Variants in IRX3 observed in about 807,000 individuals in gnomAD.
IRX3 encodes the protein iroquois homeobox 3.
Under a neutral mutation model 36.4 loss-of-function variants are expected in IRX3, and 20 were observed. The observed-to-expected ratio is 0.55, with a 90% CI of 0.39 to 0.80. The LOEUF is 0.80. Among genes scored for constraint, IRX3 ranks in the 30% least tolerant of loss-of-function variants. The probability of loss-of-function intolerance (pLI) is 0.00; values close to 1 mark genes in which losing one functional copy is unlikely to be tolerated. For synonymous variants in IRX3, 404 were observed against 351.6 expected, an observed-to-expected ratio of 1.15 and a Z score of -1.67; for missense variants, 718 against 733.2, an observed-to-expected ratio of 0.98 and a Z score of 0.24.
rs550874514 is a variant in IRX3, at chr16:54,284,768, C to A, written c.1113G>T (p.Gly371=). The A allele has an allele frequency of 3.2e-4, 467 of 1,457,240 alleles. No homozygotes were observed. The highest frequency in any genetic ancestry group is 3.9e-4 in the Non-Finnish European group (441 of 1,117,284). 90.3% of individuals were successfully genotyped at this position (1,457,240 alleles called of 1,614,324 possible). The change falls in exon 2 of 4, where the codon GGG becomes GGT. Residue 371 remains glycine, a synonymous_variant. Coordinates refer to ENST00000329734, the MANE Select transcript of IRX3 (RefSeq NM_024336.3). The surrounding 1 kb of genome is among the most constrained non-coding windows in gnomAD (Gnocchi z 4.0). ...NPRRSPPGAG[G]SPPGAAVAPS... ...GCGCGACCGCTGCCCCCGGTGGAGA[C>A]CCCCCCGCGCCGGGAGGCGAGCGGC...
chr16:54,284,649 C>T lies in IRX3; in HGVS notation c.1232G>A (p.Arg411Gln). The T allele has an allele frequency of 7.2e-7, 1 of 1,380,098 alleles. No homozygotes were observed. The highest frequency in any genetic ancestry group is 9.3e-7 in the Non-Finnish European group (1 of 1,078,690). The allele number at this position is 1,380,098 out of a possible 1,614,324, so 85.5% of individuals were successfully genotyped here. ...PLGKFPAWTN[R>Q]PFPGPPPGPR... ...GCCGGGCGGTGGGCCTGGAAACGGC[C>T]GGTTGGTCCAAGCCGGGAACTTGCC... Residue 411 changes from arginine to glutamine, a missense_variant, in exon 2 of 4, where the codon CGG becomes CAG. By Grantham distance (43) the Arg-to-Gln change is conservative (BLOSUM62 1). Around this residue, in one of 3 missense-constraint regions of IRX3, gnomAD observed 468 missense variants for 462.1 expected, o/e 1.01. Transcript: ENST00000329734. This position sits in a 1 kb window ranked among gnomAD's most constrained non-coding sequence, Gnocchi z 4.0.
Position 54,284,482 on chromosome 16 carries a change from G to C in IRX3, c.1384+15C>G. On this transcript the variant is annotated intron_variant, in intron 2 of 3. Transcript: ENST00000329734. This position sits in a 1 kb window ranked among gnomAD's most constrained non-coding sequence, Gnocchi z 4.0. The stretch of plus-strand genomic sequence containing the variant: ...AGAGCCCGCCCCCGCTCCGCGCCCA[G>C]CGCTCAGCAGTCACCTGTTCCGCCT... 1 of 1,394,212 alleles carries C rather than the reference G, an allele frequency of 7.2e-7. No individual in the cohort carries two copies. The highest frequency in any genetic ancestry group is 9.2e-7 in the Non-Finnish European group (1 of 1,086,288). 86.4% of individuals were successfully genotyped at this position (1,394,212 alleles called of 1,614,324 possible).
In IRX3 at chr16:54,284,588, G is replaced by A. The variant is rs1901265405; in HGVS notation, c.1293C>T (p.Ala431=). Residue 431 remains alanine, a synonymous_variant, in exon 2 of 4, where the codon GCC becomes GCT. Coordinates refer to ENST00000329734, the MANE Select transcript of IRX3 (RefSeq NM_024336.3). This position sits in a 1 kb window ranked among gnomAD's most constrained non-coding sequence, Gnocchi z 4.0. ...RLHPLSLLGS[A]PPHLLGLPGA... The stretch of plus-strand genomic sequence containing the variant: ...CGGGAAGTCCCAGCAGGTGCGGAGG[G>A]GCAGAGCCCAGCAGGGAGAGCGGGT... The A allele has an allele frequency of 2.9e-6, 4 of 1,396,620 alleles. No homozygotes were observed. Among genetic ancestry groups the A allele is most frequent in the Non-Finnish European group, 3.7e-6 (4 of 1,088,328 alleles). The allele number at this position is 1,396,620 out of a possible 1,614,324, so 86.5% of individuals were successfully genotyped here.
rs766835088 is a variant in IRX3 at position 54,284,234 on chromosome 16, G to A, written c.1451+12C>T. On this transcript the variant is annotated intron_variant, in intron 3 of 3. Coordinates refer to ENST00000329734, the MANE Select transcript of IRX3 (RefSeq NM_024336.3). This position sits in a 1 kb window ranked among gnomAD's most constrained non-coding sequence, Gnocchi z 4.0. ...CCAGTCCCCCTGGCCCCTCAACCTC[G>A]GGGTTTCTTACCGCCTGGGCACGGG... 20 of 1,609,552 alleles carry A rather than the reference G, an allele frequency of 1.2e-5. No homozygotes were observed. Among genetic ancestry groups the A allele is most frequent in the Non-Finnish European group, 1.6e-5 (19 of 1,177,372 alleles).
At position 54,285,953 on chromosome 16, in the gene IRX3, C is replaced by G. The variant is rs1462434717; in HGVS notation, c.98G>C (p.Arg33Pro). ...CGAGGCTCCGGCACCCAGGCCGCCC[C>G]GGGCCCCCGCGCTGCCGCCGCTGCC... ...AGGSGGSAGA[R>P]GGLGAGASEL... The change falls in exon 1 of 4, where the codon CGG becomes CCG. Residue 33 changes from arginine (R) to proline (P), a missense_variant. Around this residue, in one of 3 missense-constraint regions of IRX3, gnomAD observed 204 missense variants for 181.4 expected, o/e 1.12. Transcript: ENST00000329734. The surrounding 1 kb of genome is among the most constrained non-coding windows in gnomAD (Gnocchi z 5.7). 4.2e-6 allele frequency: 6 copies of G among 1,424,120 alleles called. No individual in the cohort carries two copies. Among genetic ancestry groups the G allele is most frequent in the South Asian group, 1.5e-5 (1 of 65,562 alleles). 88.2% of individuals were successfully genotyped at this position (1,424,120 alleles called of 1,614,324 possible). A position where few individuals can be genotyped will look rare whatever the true frequency, so the allele number is the denominator to read the frequency against.
chr16:54,284,341 G>T lies in IRX3; in HGVS notation c.1385-29C>A. On this transcript the variant is annotated intron_variant, in intron 2 of 3. Transcript: ENST00000329734. The surrounding 1 kb of genome is among the most constrained non-coding windows in gnomAD (Gnocchi z 4.0). ...AGGGAAGCGGGGGAAGAAAAAGGAGGGCCTTTAGAGCGCTCGGTGCCGGCG... is the reference window on the plus strand; with the variant it reads ...AGGGAAGCGGGGGAAGAAAAAGGAGTGCCTTTAGAGCGCTCGGTGCCGGCG... 6.3e-7 allele frequency: 1 copy of T among 1,588,808 alleles called. No individual in the cohort carries two copies. The highest frequency in any genetic ancestry group is 8.5e-7 in the Non-Finnish European group (1 of 1,170,098).
At position 54,284,732 on chromosome 16, in the gene IRX3, C is replaced by T. The variant is rs1326396298; in HGVS notation, c.1149G>A (p.Leu383=). 4.5e-5 allele frequency: 65 copies of T among 1,453,064 alleles called. No homozygotes were observed. The highest frequency in any genetic ancestry group is 5.6e-5 in the Non-Finnish European group (63 of 1,115,822). 90.0% of individuals were successfully genotyped at this position (1,453,064 alleles called of 1,614,324 possible). ...PPGAAVAPSA[L]QLSPAAAAAA... ...CGGCGGCGGCGGCCGGAGAGAGCTG[C>T]AGGGCGGAAGGCGCGACCGCTGCCC... Residue 383 remains leucine, a synonymous_variant, in exon 2 of 4, where the codon CTG becomes CTA. Transcript: ENST00000329734. This position sits in a 1 kb window ranked among gnomAD's most constrained non-coding sequence, Gnocchi z 4.0.
In IRX3 at chr16:54,286,021, G is replaced by A. The variant is rs1901329989; in HGVS notation, c.30C>T (p.Tyr10=). Residue 10 remains tyrosine (Y), a synonymous_variant, in exon 1 of 4, where the codon TAC becomes TAT. Coordinates refer to ENST00000329734, the MANE Select transcript of IRX3 (RefSeq NM_024336.3). The stretch of plus-strand genomic sequence containing the variant: ...GCTCGGACGGGTAAAGCGGGCGGAT[G>A]TATTGGTATCCCAGCTGGGGGAAGG... MSFPQLGYQ[Y]IRPLYPSERP... The A allele has an allele frequency of 2.2e-6, 3 of 1,333,790 alleles. No homozygotes were observed. The highest frequency in any genetic ancestry group is 4.2e-5 in the Admixed American group (1 of 23,890). 82.6% of individuals were successfully genotyped at this position (1,333,790 alleles called of 1,614,324 possible).
In IRX3 at chr16:54,284,499, G is replaced by A. The variant is rs1361413348; in HGVS notation, c.1382C>T (p.Thr461Ile). The A allele has an allele frequency of 2.9e-6, 4 of 1,401,840 alleles. No individual in the cohort carries two copies. The highest frequency in any genetic ancestry group is 3.0e-5 in the African/African-American group (2 of 66,046). 86.8% of individuals were successfully genotyped at this position (1,401,840 alleles called of 1,614,324 possible). ...FARPAEPEGG[T>I]DRCSALEVEK... is the part of the protein sequence containing the mutation. ...CGCGCCCAGCGCTCAGCAGTCACCT[G>A]TTCCGCCTTCGGGCTCCGCTGGCCG... The change falls in exon 2 of 4, where the codon ACA becomes ATA. Residue 461 changes from threonine (T) to isoleucine (I), a missense_variant and splice_region_variant. By Grantham distance (89) the Thr-to-Ile change is moderately conservative. Transcript: ENST00000329734. This position sits in a 1 kb window ranked among gnomAD's most constrained non-coding sequence, Gnocchi z 4.0.
In IRX3 at chr16:54,283,692, TGAG is replaced by T; in HGVS notation, c.1497_1499del (p.Ser500del). On this transcript the variant is annotated inframe_deletion, in exon 4 of 4. Transcript: ENST00000329734. The surrounding 1 kb of genome is among the most constrained non-coding windows in gnomAD (Gnocchi z 4.4). Reference sequence around the variant, plus strand: ...TTTTGTTTTTTTTAAAGAACTAGGATGAGGAGAGAGCCGATAAGACCAGGGCGG... The same window carrying T: ...TTTTGTTTTTTTTAAAGAACTAGGATGAGAGAGCCGATAAGACCAGGGCGG... 7.7e-7 allele frequency: 1 copy of T among 1,296,398 alleles called. No individual in the cohort carries two copies. The highest frequency in any genetic ancestry group is 1.1e-6 in the Non-Finnish European group (1 of 890,478). 80.3% of individuals were successfully genotyped at this position (1,296,398 alleles called of 1,614,324 possible).
Position 54,286,355 on chromosome 16 carries a change from C to G in IRX3, c.-305G>C, listed in dbSNP as rs1045857196. On this transcript the variant is annotated 5_prime_UTR_variant, in exon 1 of 4. Coordinates refer to ENST00000329734, the MANE Select transcript of IRX3 (RefSeq NM_024336.3). ...CTCTCTGCGCCGCGCTCCCTCCTCT[C>G]GGCCGCCGGAGCTGCCTCTGCCCGC... is the stretch of plus-strand genomic sequence containing the variant. The G allele has an allele frequency of 2.0e-6, 2 of 988,030 alleles. No homozygotes were observed. Among genetic ancestry groups the G allele is most frequent in the African/African-American group, 1.7e-5 (1 of 57,290 alleles). The allele number at this position is 988,030 out of a possible 1,614,324, so 61.2% of individuals were successfully genotyped here. A position where few individuals can be genotyped will look rare whatever the true frequency, so the allele number is the denominator to read the frequency against.
chr16:54,285,080 C>T lies in IRX3; in HGVS notation c.801G>A (p.Glu267=), dbSNP rs762640142. Residue 267 remains glutamate, a synonymous_variant, in exon 2 of 4, where the codon GAG becomes GAA. Coordinates refer to ENST00000329734, the MANE Select transcript of IRX3 (RefSeq NM_024336.3). The surrounding 1 kb of genome is among the most constrained non-coding windows in gnomAD (Gnocchi z 5.7). ...ENLDGAATEP[E]LSLAGAARRD... ...TGCGCGCCGCCCCAGCCAGGGACAGCTCAGGCTCGGTGGCCGCGCCGTCTA... is the reference window on the plus strand; with the variant it reads ...TGCGCGCCGCCCCAGCCAGGGACAGTTCAGGCTCGGTGGCCGCGCCGTCTA... 58 of 1,613,808 alleles carry T rather than the reference C, an allele frequency of 3.6e-5. 1 individual carries two copies. The Admixed American group carries it at 9.5e-4, about 26-fold the overall frequency.
chr16:54,286,522 G>T lies in IRX3; in HGVS notation c.-472C>A. On this transcript the variant is annotated 5_prime_UTR_variant, in exon 1 of 4. Transcript: ENST00000329734. ...TCTTCCCCCCAGGATCGCTTCCGCT[G>T]CTTCGGGCTCCTGCACTGCCCTGGA... 1 of 376,096 alleles carries T rather than the reference G, an allele frequency of 2.7e-6. No individual in the cohort carries two copies. The highest frequency in any genetic ancestry group is 3.7e-6 in the Non-Finnish European group (1 of 273,546). The allele number at this position is 376,096 out of a possible 1,614,324, so 23.3% of individuals were successfully genotyped here.
In IRX3 at chr16:54,284,436, G is replaced by T; in HGVS notation, c.1384+61C>A. 1 of 1,407,026 alleles carries T rather than the reference G, an allele frequency of 7.1e-7. No individual in the cohort carries two copies. 87.2% of individuals were successfully genotyped at this position (1,407,026 alleles called of 1,614,324 possible). On this transcript the variant is annotated intron_variant, in intron 2 of 3. Transcript: ENST00000329734. The surrounding 1 kb of genome is among the most constrained non-coding windows in gnomAD (Gnocchi z 4.0). ...CGCCCCCCGGGCCCTGCCCCTCCCG[G>T]CCAGCTCCGGCACTACCCGCAGAGC... is the stretch of plus-strand genomic sequence containing the variant.
In IRX3 at chr16:54,284,363, G is replaced by T. The variant is rs778668814; in HGVS notation, c.1385-51C>A. ...GAGGGCCTTTAGAGCGCTCGGTGCC[G>T]GCGCCCAGGGCCGCAGAAAGCAGGA... On this transcript the variant is annotated intron_variant, in intron 2 of 3. Coordinates refer to ENST00000329734, the MANE Select transcript of IRX3 (RefSeq NM_024336.3). The surrounding 1 kb of genome is among the most constrained non-coding windows in gnomAD (Gnocchi z 4.0). 3.8e-6 allele frequency: 6 copies of T among 1,561,014 alleles called. No homozygotes were observed. In the South Asian group the frequency reaches 6.0e-5, roughly 16 times the overall value.
chr16:54,285,937 G>C lies in IRX3; in HGVS notation c.114C>G (p.Ala38=), dbSNP rs1267991122. The C allele has an allele frequency of 3.4e-6, 5 of 1,466,708 alleles. No individual in the cohort carries two copies. Among genetic ancestry groups the C allele is most frequent in the Admixed American group, 2.5e-5 (1 of 40,632 alleles). The allele number at this position is 1,466,708 out of a possible 1,614,324, so 90.9% of individuals were successfully genotyped here. ...CCGAGGCGTTCAGCTCCGAGGCTCC[G>C]GCACCCAGGCCGCCCCGGGCCCCCG... ...GSAGARGGLG[A]GASELNASGS... is the part of the protein sequence containing the mutation. The change falls in exon 1 of 4, where the codon GCC becomes GCG. Residue 38 remains alanine (A), a synonymous_variant. Transcript: ENST00000329734. This position sits in a 1 kb window ranked among gnomAD's most constrained non-coding sequence, Gnocchi z 5.7.
At position 54,284,143 on chromosome 16, in the gene IRX3, G is replaced by T; in HGVS notation, c.1451+103C>A. 2.4e-6 allele frequency: 3 copies of T among 1,251,742 alleles called. No homozygotes were observed. The highest frequency in any genetic ancestry group is 2.2e-6 in the Non-Finnish European group (2 of 891,402). The allele number at this position is 1,251,742 out of a possible 1,614,324, so 77.5% of individuals were successfully genotyped here. A position where few individuals can be genotyped will look rare whatever the true frequency, so the allele number is the denominator to read the frequency against. On this transcript the variant is annotated intron_variant, in intron 3 of 3. Coordinates refer to ENST00000329734, the MANE Select transcript of IRX3 (RefSeq NM_024336.3). This position sits in a 1 kb window ranked among gnomAD's most constrained non-coding sequence, Gnocchi z 4.0. ...CCTTTTACAAAATGCGTCCCAGCAG[G>T]GTTCCCCCCTACCCCGGGGCAAAAG...
chr16:54,283,792 G>A lies in IRX3; in HGVS notation c.1452-52C>T, dbSNP rs1485885470. The A allele has an allele frequency of 4.4e-6, 7 of 1,601,986 alleles. No individual in the cohort carries two copies. The South Asian group carries it at 5.6e-5, about 13-fold the overall frequency. On this transcript the variant is annotated intron_variant, in intron 3 of 3. Transcript: ENST00000329734. This position sits in a 1 kb window ranked among gnomAD's most constrained non-coding sequence, Gnocchi z 4.4. Reference sequence around the variant, plus strand: ...AAGAGGTGAGATTCAGGAGCGCAGAGGCTGCCTAGGGCGGGGAGATCCTAC... The same window carrying A: ...AAGAGGTGAGATTCAGGAGCGCAGAAGCTGCCTAGGGCGGGGAGATCCTAC...
At position 54,284,714 on chromosome 16, in the gene IRX3, G is replaced by A. The variant is rs1901272203; in HGVS notation, c.1167C>T (p.Ala389=). 2 of 1,427,978 alleles carry A rather than the reference G, an allele frequency of 1.4e-6. No homozygotes were observed. Among genetic ancestry groups the A allele is most frequent in the Non-Finnish European group, 9.1e-7 (1 of 1,103,778 alleles). 88.5% of individuals were successfully genotyped at this position (1,427,978 alleles called of 1,614,324 possible). A position where few individuals can be genotyped will look rare whatever the true frequency, so the allele number is the denominator to read the frequency against. The change falls in exon 2 of 4, where the codon GCC becomes GCT. Residue 389 remains alanine (A), a synonymous_variant. Coordinates refer to ENST00000329734, the MANE Select transcript of IRX3 (RefSeq NM_024336.3). This position sits in a 1 kb window ranked among gnomAD's most constrained non-coding sequence, Gnocchi z 4.0. ...APSALQLSPA[A]AAAAAHRLVS... is the part of the protein sequence containing the mutation. ...CCAGTCTGTGAGCGGCGGCGGCGGC[G>A]GCGGCCGGAGAGAGCTGCAGGGCGG...
Sources: gnomAD v4.1 joint callset for allele counts on GRCh38, gnomAD v4.1.1 for gene constraint, gnomAD v4.1.1 regional missense constraint, Gnocchi (gnomAD v3.1) non-coding constraint, MANE v1.5 for transcripts, NCBI Gene and HGNC (gene_info 2026-07-23, HGNC 2026-07-21) for gene names.